PLEKHG4B: variants seen among roughly 807,000 people sequenced by gnomAD.
PLEKHG4B encodes pleckstrin homology and RhoGEF domain containing G4B, also known as pleckstrin homology domain-containing family G member 4B.
A neutral mutation model predicts 121.3 loss-of-function variants in PLEKHG4B; 111 were observed. The ratio of observed to expected loss-of-function variants is 0.92; its 90% CI spans 0.78 to 1.07. The LOEUF (loss-of-function observed/expected upper bound fraction) is 1.07, where lower values mean the gene tolerates loss of function less well. Ranked by LOEUF, PLEKHG4B falls within the 50% of genes least tolerant of loss-of-function variation. The pLI is 0.00. For synonymous variants in PLEKHG4B, 738 were observed against 725.0 expected (o/e 1.02, Z -0.29); for missense variants, 1,831 against 1,757.8 (o/e 1.04, Z -0.74).
chr5:92,633 T>C (rs939517964), intron 1 of PLEKHG4B, among the ~76,000 whole-genome samples: 1 of 151,592 alleles, frequency 6.6e-6, no homozygotes, highest in East Asian at 2.0e-4. Flanking sequence ...GGAGGGAGCT[T>C]CTTCAGGCAC....
Position 162,990 on chromosome 5 carries a change from G to A in PLEKHG4B, c.2918G>A (p.Ser973Asn), listed in dbSNP as rs750638649. ...PDPSLPPLAQSPPKHERAQEA... is the reference protein window; with the variant it reads ...PDPSLPPLAQNPPKHERAQEA... Reference sequence around the variant, plus strand: ...CCCAGCTTACCGCCCCTTGCCCAGAGCCCCCCAAAGCATGAGCGTGCCCAG... The same window carrying A: ...CCCAGCTTACCGCCCCTTGCCCAGAACCCCCCAAAGCATGAGCGTGCCCAG... The change falls in exon 13 of 20, where the codon AGC (serine) becomes AAC (asparagine). Residue 973 changes from serine to asparagine, a missense_variant. Coordinates refer to ENST00000637938, the MANE Select transcript of PLEKHG4B (RefSeq NM_052909.5). The A allele has an allele frequency of 2.6e-6, 4 of 1,567,118 alleles. No homozygotes were observed. Among genetic ancestry groups the A allele is most frequent in the Non-Finnish European group, 1.7e-6 (2 of 1,156,046 alleles).
At chr5:155,210 A>G (rs1735734499) in intron 8 of PLEKHG4B, 135 bp from the exon 9 acceptor site, 2 of 885,498 alleles carry the variant, frequency 2.3e-6, no homozygotes, top group Admixed American at 4.0e-5. Context: ...GTGTCTGTAG[A>G]TCTCAGGGAT....
chr5:101,344 A>G (rs865845125), intron 1 of PLEKHG4B, among the ~76,000 whole-genome samples: 50 of 104,814 alleles, frequency 4.8e-4, no homozygotes, highest in East Asian at 7.7e-4. Context: ...AAAGCCCTGG[A>G]AAAAGCCTGT....
rs1261818177 is a variant in PLEKHG4B at position 185,758 on chromosome 5, G to A, written c.*3435G>A. Reference sequence around the variant, plus strand: ...GGCTGGGGATATGCCCAGGCCAGCAGGGCCAGCAGGAGTGACTGCGCCATC... The same window carrying A: ...GGCTGGGGATATGCCCAGGCCAGCAAGGCCAGCAGGAGTGACTGCGCCATC... On this transcript the variant is annotated 3_prime_UTR_variant, in exon 20 of 20. Coordinates refer to ENST00000637938, the MANE Select transcript of PLEKHG4B (RefSeq NM_052909.5). 6.6e-6 allele frequency: 1 copy of A among 152,542 alleles called. No homozygotes were observed. The highest frequency in any genetic ancestry group is 2.4e-5 in the African/African-American group (1 of 41,472). The allele number at this position is 152,542 out of a possible 1,614,324, so 9.4% of individuals were successfully genotyped here.
Position 151,371 on chromosome 5 carries a change from G to A in PLEKHG4B, c.1906-142G>A, listed in dbSNP as rs184140189. Reference sequence around the variant, plus strand: ...TAAGGGCAAATAATTTACATTTCAGGGCAAAGTCAGCCATGTTTTATGCAC... The same window carrying A: ...TAAGGGCAAATAATTTACATTTCAGAGCAAAGTCAGCCATGTTTTATGCAC... On this transcript the variant is annotated intron_variant, in intron 6 of 19. Transcript: ENST00000637938. 904 of 494,288 alleles carry A rather than the reference G, an allele frequency of 1.8e-3. 2 individuals are homozygous for A. The highest frequency in any genetic ancestry group is 2.4e-3 in the Non-Finnish European group (671 of 277,926). 30.6% of individuals were successfully genotyped at this position (494,288 alleles called of 1,614,324 possible). A position where few individuals can be genotyped will look rare whatever the true frequency, so the allele number is the denominator to read the frequency against.
chr5:183,963 A>G lies in PLEKHG4B; in HGVS notation c.*1640A>G, dbSNP rs942280373. On this transcript the variant is annotated 3_prime_UTR_variant, in exon 20 of 20. Transcript: ENST00000637938. ...ACCAATAGGAGATAGCTAGATATAT[A>G]TACAGACAGATAGATAGATAGATAG... The G allele has an allele frequency of 6.8e-6, 1 of 146,658 alleles. No homozygotes were observed. The highest frequency in any genetic ancestry group is 1.5e-5 in the Non-Finnish European group (1 of 66,688). 9.1% of individuals were successfully genotyped at this position (146,658 alleles called of 1,614,324 possible).
chr5:119,557 A>T (rs921987634), intron 2 of PLEKHG4B, among the ~76,000 whole-genome samples: 1 of 152,216 alleles, frequency 6.6e-6, no homozygotes, highest in Non-Finnish European at 1.5e-5. Context: ...CCACCAAAAC[A>T]ATAAGAAACC....
intron 5 of PLEKHG4B, among the ~76,000 whole-genome samples, chr5:143,831 T>A (rs914258262): frequency 6.6e-6 from 1 of 152,384 alleles, no homozygotes; most frequent in East Asian, 1.9e-4. Flanking sequence ...GGTTCTCTTA[T>A]GTCCTTGGCT....
At chr5:174,193 T>C (rs1579328002) in intron 18 of PLEKHG4B, 95 bp downstream of exon 18, 1 of 434,366 alleles carries the variant, frequency 2.3e-6, no homozygotes, top group Non-Finnish European at 3.4e-6. Context: ...AGGGGCTGAG[T>C]CCAGGGGCCA....
chr5:94,290 G>C (rs554767902), intron 1 of PLEKHG4B, among the ~76,000 whole-genome samples: 7 of 152,388 alleles, frequency 4.6e-5, no homozygotes, highest in African/African-American at 1.4e-4. Flanking sequence ...TGGCAGGGCA[G>C]GTGCTCCCTG....
chr5:136,774 A>C (rs1449100548), intron 2 of PLEKHG4B, among the ~76,000 whole-genome samples: 2 of 152,234 alleles, frequency 1.3e-5, no homozygotes, highest in African/African-American at 2.4e-5. Flanking sequence ...GTGATGACGT[A>C]AAATGGTGCA....
Position 184,308 on chromosome 5 carries a change from A to G in PLEKHG4B, c.*1985A>G, listed in dbSNP as rs1330807257. The G allele has an allele frequency of 6.6e-6, 1 of 152,224 alleles. No homozygotes were observed. Among genetic ancestry groups the G allele is most frequent in the Admixed American group, 6.5e-5 (1 of 15,282 alleles). 9.4% of individuals were successfully genotyped at this position (152,224 alleles called of 1,614,324 possible). A position where few individuals can be genotyped will look rare whatever the true frequency, so the allele number is the denominator to read the frequency against. ...GCACATCATAATCAAATTGCATATA[A>G]CCAGTGATAAACAGAAAATCCTAAA... On this transcript the variant is annotated 3_prime_UTR_variant, in exon 20 of 20. Coordinates refer to ENST00000637938, the MANE Select transcript of PLEKHG4B (RefSeq NM_052909.5).
At chr5:98,410 CA>C (rs1210713286) in intron 1 of PLEKHG4B, among the ~76,000 whole-genome samples, 1 of 121,730 alleles carries the variant, frequency 8.2e-6, no homozygotes, top group Non-Finnish European at 1.7e-5. Flanking sequence ...GTCAGTACCA[CA>C]TTGTTTACTG....
intron 1 of PLEKHG4B, among the ~76,000 whole-genome samples, chr5:106,277 C>T (rs957249282): frequency 1.4e-4 from 22 of 152,230 alleles, no homozygotes; most frequent in African/African-American, 5.3e-4. Flanking sequence ...GAGGAAAGCA[C>T]GAGTACTGCT....
At chr5:97,003 G>C (rs567952137) in intron 1 of PLEKHG4B, among the ~76,000 whole-genome samples, 2 of 152,294 alleles carry the variant, frequency 1.3e-5, no homozygotes, top group South Asian at 4.2e-4. Flanking sequence ...CACAATGTTA[G>C]GCAACCACCA....
chr5:181,576 C>G lies in PLEKHG4B; in HGVS notation c.4465C>G (p.Pro1489Ala). 1.2e-6 allele frequency: 2 copies of G among 1,614,126 alleles called. No individual in the cohort carries two copies. The highest frequency in any genetic ancestry group is 1.3e-5 in the African/African-American group (1 of 75,044). ...IGNQPFMDVK[P>A]RDRTPDCAVI... ...CAACCAGCCATTCATGGATGTCAAGCCCAGAGACCGGACCCCTGACTGTGC... is the reference window on the plus strand; with the variant it reads ...CAACCAGCCATTCATGGATGTCAAGGCCAGAGACCGGACCCCTGACTGTGC... The change falls in exon 19 of 20, where the codon CCC (proline) becomes GCC (alanine). Residue 1489 changes from proline (P) to alanine (A), a missense_variant. Coordinates refer to ENST00000637938, the MANE Select transcript of PLEKHG4B (RefSeq NM_052909.5).
chr5:156,631 G>A lies in PLEKHG4B; in HGVS notation c.2349-142G>A, dbSNP rs750230237. ...ATGGAGCACATCTGTGCCCCGCCTC[G>A]GTTGTGGGCCTCCTCCTGGGGCTCC... is the stretch of plus-strand genomic sequence containing the variant. On this transcript the variant is annotated intron_variant, in intron 10 of 19. Transcript: ENST00000637938. The surrounding 1 kb of genome is among the most constrained non-coding windows in gnomAD (Gnocchi z 4.4). The A allele has an allele frequency of 3.2e-4, 376 of 1,157,330 alleles. No individual in the cohort carries two copies. Among genetic ancestry groups the A allele is most frequent in the Non-Finnish European group, 4.1e-4 (345 of 833,310 alleles). The allele number at this position is 1,157,330 out of a possible 1,614,324, so 71.7% of individuals were successfully genotyped here.
chr5:166,517 A>G (rs400937), intron 13 of PLEKHG4B, among the ~76,000 whole-genome samples: 696 of 30,154 alleles, frequency 0.023, 12 homozygotes, highest in Non-Finnish European at 0.031. Flanking sequence ...GACGGGGCGG[A>G]GCTCACACTA....
In PLEKHG4B at chr5:186,653, T is replaced by G. The variant is rs556585387; in HGVS notation, c.*4330T>G. The G allele has an allele frequency of 6.6e-6, 1 of 152,640 alleles. No individual in the cohort carries two copies. The highest frequency in any genetic ancestry group is 1.5e-5 in the Non-Finnish European group (1 of 68,270). 9.5% of individuals were successfully genotyped at this position (152,640 alleles called of 1,614,324 possible). On this transcript the variant is annotated 3_prime_UTR_variant, in exon 20 of 20. Coordinates refer to ENST00000637938, the MANE Select transcript of PLEKHG4B (RefSeq NM_052909.5). ...CCTGGAGCCCTGGCCTGGCCCAGCA[T>G]CTCCCAGAGTCACTTCCTGATGCCT... is the stretch of plus-strand genomic sequence containing the variant.
Sources: gnomAD v4.1 joint callset for allele counts (sites outside exome capture counted in the v4.1 genomes callset) on GRCh38, gnomAD v4.1.1 for gene constraint, Gnocchi (gnomAD v3.1) non-coding constraint, MANE v1.5 for transcripts, NCBI Gene and HGNC (gene_info 2026-07-23, HGNC 2026-07-21) for gene names.